The following HTR2C variants were observed in gnomAD, a reference collection of about 807,000 sequenced individuals.
HTR2C encodes the protein 5-hydroxytryptamine receptor 2C, also known as 5-hydroxytryptamine (serotonin) receptor 2C, G protein-coupled.
A neutral mutation model predicts 21.0 loss-of-function variants in HTR2C; 5 were observed. That is an observed-to-expected ratio of 0.24 (90% CI 0.12 to 0.50). The LOEUF (loss-of-function observed/expected upper bound fraction) is 0.50, where lower values mean the gene tolerates loss of function less well. HTR2C is among the 20% of genes least tolerant of loss of function. The probability of loss-of-function intolerance (pLI) is 0.98; values close to 1 mark genes in which losing one functional copy is unlikely to be tolerated. For missense variants in HTR2C, 271 were observed against 371.2 expected, an observed-to-expected ratio of 0.73 and a Z score of 2.22; for synonymous variants, 150 against 145.3, an observed-to-expected ratio of 1.03 and a Z score of -0.23.
rs1018756356 is a variant in HTR2C, at chrX:114,791,646, A to G, written c.350-56357A>G. ...AGATCAGAAGTTCATTCATTCATTC[A>G]TTCATTCAGATACTGAGTATATATA... On this transcript the variant is annotated intron_variant, in intron 4 of 5. Coordinates refer to ENST00000276198, the MANE Select transcript of HTR2C (RefSeq NM_000868.4). Among the ~76,000 whole-genome samples the G allele has an allele frequency of 3.6e-5, 4 of 111,033 alleles. 1 individual carries two copies. Among genetic ancestry groups the G allele is most frequent in the South Asian group, 3.8e-4 (1 of 2,654 alleles).
At chrX:114,869,538 T>C (rs1408680615) in intron 5 of HTR2C, among the ~76,000 whole-genome samples, 1 of 112,630 alleles carries the variant, frequency 8.9e-6, no homozygotes, top group African/African-American at 3.2e-5. Flanking sequence ...ACTAAATTTG[T>C]TTATCAGTTC....
At chrX:114,608,306 A>G (rs1928559696) in intron 1 of HTR2C, among the ~76,000 whole-genome samples, 1 of 111,369 alleles carries the variant, frequency 9.0e-6, no homozygotes, top group Non-Finnish European at 1.9e-5. Flanking sequence ...TAATGTGTAG[A>G]ATTCAGTGGT....
chrX:114,872,852 G>A (rs2071102960), intron 5 of HTR2C, among the ~76,000 whole-genome samples: 1 of 111,209 alleles, frequency 9.0e-6, no homozygotes, highest in African/African-American at 3.3e-5. Flanking sequence ...CTTGAAAGCT[G>A]GGTATTAAAG....
intron 1 of HTR2C, among the ~76,000 whole-genome samples, chrX:114,611,791 G>A (rs1928747340): frequency 9.0e-6 from 1 of 111,363 alleles, no homozygotes; most frequent in South Asian, 3.8e-4. Flanking sequence ...TCCGCCTCCC[G>A]GGTTCACGTC....
chrX:114,682,474 G>T (rs1232518866), intron 2 of HTR2C, among the ~76,000 whole-genome samples: 1 of 111,291 alleles, frequency 9.0e-6, no homozygotes, highest in African/African-American at 3.3e-5. Context: ...ATATGTAAAT[G>T]TGCTTTTTAT....
intron 2 of HTR2C, among the ~76,000 whole-genome samples, chrX:114,697,404 C>T (rs886198857): frequency 8.9e-6 from 1 of 112,270 alleles, no homozygotes. Flanking sequence ...TCTATTCAGA[C>T]TTGTTCAAAT....
At chrX:114,836,313 C>T (rs1266671993) in intron 4 of HTR2C, among the ~76,000 whole-genome samples, 13 of 111,940 alleles carry the variant, frequency 1.2e-4, no homozygotes, top group African/African-American at 4.2e-4. Flanking sequence ...GCCTCGCTGC[C>T]GCCTTGCAGT....
rs1556449147 is a variant in HTR2C, at chrX:114,805,978, CCAT to C, written c.350-42024_350-42022del. Reference sequence around the variant, plus strand: ...ACCATATATATACCATATATATACACCATATATATACACCATATATATACTATA... The same window carrying C: ...ACCATATATATACCATATATATACACATATATACACCATATATATACTATA... On this transcript the variant is annotated intron_variant, in intron 4 of 5. Transcript: ENST00000276198. 5.6e-3 allele frequency among the ~76,000 whole-genome samples: 140 copies of C among 24,899 alleles called. 9 individuals carry two copies. The East Asian group carries it at 0.13, about 24-fold the overall frequency. 21.6% of individuals were successfully genotyped at this position (24,899 alleles called of 115,157 possible).
chrX:114,591,550 G>A (rs1927633792), intron 1 of HTR2C, among the ~76,000 whole-genome samples: 1 of 111,516 alleles, frequency 9.0e-6, no homozygotes, highest in Non-Finnish European at 1.9e-5. Context: ...ACCTCTCACT[G>A]GGTAACTGTC....
rs782545788 is a variant in HTR2C, at chrX:114,605,912, G to C, written c.-146-7903G>C. On this transcript the variant is annotated intron_variant, in intron 1 of 5. Transcript: ENST00000276198. ...ATAAGAGGTTGGGGGGCAGAAATAA[G>C]GGATTGGGGCGCAGAGAAATAAGAG... Among the ~76,000 whole-genome samples, 3 of 108,750 alleles carry C rather than the reference G, an allele frequency of 2.8e-5. No homozygotes were observed. The South Asian group carries it at 1.2e-3, about 45-fold the overall frequency. 94.4% of individuals were successfully genotyped at this position (108,750 alleles called of 115,157 possible).
intron 2 of HTR2C, among the ~76,000 whole-genome samples, chrX:114,634,153 A>T (rs1011391810): frequency 9.1e-6 from 1 of 110,170 alleles, no homozygotes; most frequent in Non-Finnish European, 1.9e-5. Flanking sequence ...ATTTAAATCT[A>T]CTTTTAAATT....
intron 4 of HTR2C, among the ~76,000 whole-genome samples, chrX:114,743,064 A>C (rs1478654670): frequency 1.3e-5 from 1 of 74,333 alleles, no homozygotes; most frequent in Non-Finnish European, 2.5e-5. Flanking sequence ...TGAACTCATC[A>C]TTTTTTATGG....
At chrX:114,765,340 A>T (rs1222763113) in intron 4 of HTR2C, among the ~76,000 whole-genome samples, 6 of 111,303 alleles carry the variant, frequency 5.4e-5, no homozygotes, top group African/African-American at 2.0e-4. Context: ...CTATTATAAC[A>T]AGTACTATAA....
chrX:114,669,276 G>A (rs1931284015), intron 2 of HTR2C, among the ~76,000 whole-genome samples: 2 of 111,347 alleles, frequency 1.8e-5, no homozygotes, highest in Non-Finnish European at 3.8e-5. Context: ...ACAATAATTC[G>A]CTGGTAATAA....
intron 5 of HTR2C, among the ~76,000 whole-genome samples, chrX:114,887,936 C>T (rs2071232324): frequency 9.0e-6 from 1 of 110,737 alleles, no homozygotes. Flanking sequence ...ATTGCTTGAA[C>T]CCAGGAGGCA....
At chrX:114,675,538 A>T (rs1389736736) in intron 2 of HTR2C, among the ~76,000 whole-genome samples, 3 of 112,014 alleles carry the variant, frequency 2.7e-5, no homozygotes, top group African/African-American at 9.7e-5. Flanking sequence ...TTTTTTCTTA[A>T]TGTGTTGTAC....
At chrX:114,588,309 A>T (rs985142292) in intron 1 of HTR2C, among the ~76,000 whole-genome samples, 2 of 111,663 alleles carry the variant, frequency 1.8e-5, no homozygotes, top group Non-Finnish European at 3.8e-5. Flanking sequence ...TCCCTCTTTC[A>T]TCTTAGTCAC....
At chrX:114,776,211 C>A (rs1331625954) in intron 4 of HTR2C, 28 of 559,784 alleles carry the variant, frequency 5.0e-5, no homozygotes, top group Middle Eastern at 4.9e-4. Context: ...TCAGCTCCAA[C>A]CTTTTTGTCT....
intron 4 of HTR2C, among the ~76,000 whole-genome samples, chrX:114,761,227 G>C (rs1463918370): frequency 9.0e-6 from 1 of 111,322 alleles, no homozygotes; most frequent in Non-Finnish European, 1.9e-5. Context: ...TGAATCCCTT[G>C]AGAATGCAAA....
Sources: allele counts gnomAD v4.1 joint callset (sites outside exome capture counted in the v4.1 genomes callset), GRCh38; gene constraint gnomAD v4.1.1; transcripts MANE v1.5; gene names NCBI Gene and HGNC (gene_info 2026-07-23, HGNC 2026-07-21).